Variants in PXDNL observed in about 807,000 individuals in gnomAD.
PXDNL encodes probable oxidoreductase PXDNL.
A neutral mutation model predicts 150.8 loss-of-function variants in PXDNL; 145 were observed. The ratio of observed to expected loss-of-function variants is 0.96; its 90% confidence interval spans 0.84 to 1.10. The LOEUF is 1.10. Among genes scored for constraint, PXDNL ranks in the 50% least tolerant of loss-of-function variants. PXDNL has a pLI of 0.00. For synonymous variants in PXDNL, 757 were observed against 725.7 expected, an observed-to-expected ratio of 1.04 and a Z score of -0.69; for missense variants, 2,087 against 1,873.9, an observed-to-expected ratio of 1.11 and a Z score of -2.10.
chr8:51,500,620 T>C (rs891851286), intron 4 of PXDNL, among the ~76,000 whole-genome samples: 1 of 152,208 alleles, frequency 6.6e-6, no homozygotes, highest in South Asian at 2.1e-4. Flanking sequence ...TTTCAAACAA[T>C]CTCAGTGAAA....
chr8:51,330,140 A>G (rs1225883092), intron 21 of PXDNL, among the ~76,000 whole-genome samples: 2 of 152,168 alleles, frequency 1.3e-5, no homozygotes, highest in African/African-American at 4.8e-5. Flanking sequence ...TGCTTTTCTT[A>G]GTCCACCAAT....
chr8:51,716,279 C>T (rs1204906371), intron 1 of PXDNL, among the ~76,000 whole-genome samples: 2 of 152,230 alleles, frequency 1.3e-5, no homozygotes, highest in Non-Finnish European at 2.9e-5. Context: ...TTCTTGACAG[C>T]TGTACCTTGG....
intron 12 of PXDNL, among the ~76,000 whole-genome samples, chr8:51,428,971 A>AAATTCAACCGTATATAGTTCAATTATAT (rs61524441): frequency 1.3e-5 from 2 of 150,942 alleles, no homozygotes; most frequent in Non-Finnish European, 3.0e-5. Context: ...AAAATATATA[A>AAATTCAACCGTATATAGTTCAATTATAT]AGAACCCAAA....
At chr8:51,382,084 G>A (rs577498443) in intron 17 of PXDNL, among the ~76,000 whole-genome samples, 4 of 152,138 alleles carry the variant, frequency 2.6e-5, no homozygotes, top group African/African-American at 7.2e-5. Context: ...TGATCTGCCC[G>A]CCTTGGCCTC....
At chr8:51,587,999 A>T (rs1458107240) in intron 3 of PXDNL, among the ~76,000 whole-genome samples, 2 of 152,200 alleles carry the variant, frequency 1.3e-5, no homozygotes, top group Admixed American at 6.5e-5. Context: ...TAAATGAAAT[A>T]CACAGGGTAC....
intron 8 of PXDNL, 68 bp downstream of exon 8, chr8:51,472,119 A>T: frequency 2.9e-6 from 3 of 1,035,988 alleles, no homozygotes; most frequent in Admixed American, 3.8e-5. Flanking sequence ...TAAAGGAGTT[A>T]AATTGAGTTA....
intron 4 of PXDNL, among the ~76,000 whole-genome samples, chr8:51,548,994 T>C (rs1812422521): frequency 6.6e-6 from 1 of 152,106 alleles, no homozygotes; most frequent in Admixed American, 6.6e-5. Flanking sequence ...AGGGATTTCA[T>C]GCAAATGGAA....
chr8:51,765,676 T>G (rs917304552), intron 1 of PXDNL, among the ~76,000 whole-genome samples: 3 of 152,142 alleles, frequency 2.0e-5, no homozygotes, highest in Admixed American at 2.0e-4. Context: ...TATATTAATT[T>G]GTATCATATT....
chr8:51,384,377 CA>C (rs11289787), intron 17 of PXDNL, among the ~76,000 whole-genome samples: 33,295 of 140,816 alleles, frequency 0.24, 5,265 homozygotes, highest in African/African-American at 0.46. Flanking sequence ...AGGTGAATGA[CA>C]AAAAAAAAAA....
chr8:51,348,642 A>C (rs896206913), intron 19 of PXDNL, among the ~76,000 whole-genome samples: 12 of 152,194 alleles, frequency 7.9e-5, no homozygotes, highest in Non-Finnish European at 7.3e-5. Flanking sequence ...AAATATATAC[A>C]TATGCATACA....
At chr8:51,479,719 A>C (rs556368400) in intron 6 of PXDNL, among the ~76,000 whole-genome samples, 2 of 152,262 alleles carry the variant, frequency 1.3e-5, no homozygotes, top group African/African-American at 4.8e-5. Context: ...AAAAAGTGGA[A>C]GGGTGGGGTG....
At chr8:51,651,229 G>A (rs571706732) in intron 2 of PXDNL, among the ~76,000 whole-genome samples, 6 of 152,144 alleles carry the variant, frequency 3.9e-5, no homozygotes, top group South Asian at 2.1e-4. Context: ...GGAATAAAGC[G>A]TAGTATATAA....
intron 4 of PXDNL, among the ~76,000 whole-genome samples, chr8:51,553,043 A>G (rs1368783626): frequency 2.0e-5 from 3 of 152,212 alleles, no homozygotes. Context: ...AAAAGGAGCA[A>G]CTGTTCCCAA....
intron 8 of PXDNL, among the ~76,000 whole-genome samples, chr8:51,469,416 G>C (rs1262374588): frequency 1.3e-5 from 2 of 151,900 alleles, no homozygotes; most frequent in East Asian, 3.9e-4. Context: ...GTTGCGTTTA[G>C]CTCATTCTTT....
At chr8:51,528,463 T>C (rs1276458220) in intron 4 of PXDNL, among the ~76,000 whole-genome samples, 1 of 152,234 alleles carries the variant, frequency 6.6e-6, no homozygotes, top group Admixed American at 6.5e-5. Flanking sequence ...AGCCATTAAA[T>C]TGTGTTACAT....
At chr8:51,516,424 A>G (rs953183561) in intron 4 of PXDNL, among the ~76,000 whole-genome samples, 1 of 152,224 alleles carries the variant, frequency 6.6e-6, no homozygotes, top group Non-Finnish European at 1.5e-5. Context: ...GCTTTGACAG[A>G]CACAAATTAC....
chr8:51,635,502 G>A (rs1814587372), intron 2 of PXDNL, among the ~76,000 whole-genome samples: 1 of 151,468 alleles, frequency 6.6e-6, no homozygotes, highest in South Asian at 2.1e-4. Flanking sequence ...ATGAAAGCAA[G>A]AAAAATAAAA....
intron 4 of PXDNL, among the ~76,000 whole-genome samples, chr8:51,534,058 G>A (rs1350869532): frequency 1.4e-5 from 2 of 145,288 alleles, no homozygotes; most frequent in Admixed American, 6.7e-5. Flanking sequence ...CTTCCCCGCC[G>A]CCATCCCATC....
intron 1 of PXDNL, among the ~76,000 whole-genome samples, chr8:51,667,265 C>T (rs532956338): frequency 1.2e-4 from 19 of 152,230 alleles, no homozygotes; most frequent in African/African-American, 3.6e-4. Flanking sequence ...GCTTCTGTGC[C>T]GCACAGAGCA....
Sources: gnomAD v4.1 joint callset for allele counts (sites outside exome capture counted in the v4.1 genomes callset) on GRCh38, gnomAD v4.1.1 for gene constraint, MANE v1.5 for transcripts, NCBI Gene and HGNC (gene_info 2026-07-23, HGNC 2026-07-21) for gene names.